Variants in ZNF704 observed in about 807,000 individuals in gnomAD.
ZNF704 encodes the protein glucocorticoid induced gene 1.
In ZNF704, 10 loss-of-function variants were observed where a neutral mutation model predicts 44.7. That is an observed-to-expected ratio of 0.22 (90% CI 0.14 to 0.38). The LOEUF (loss-of-function observed/expected upper bound fraction) is 0.38. Ranked by LOEUF, ZNF704 falls within the 10% of genes least tolerant of loss-of-function variation. The pLI, the probability that ZNF704 is intolerant of heterozygous loss-of-function variation, is 1.00. For synonymous variants in ZNF704, 211 were observed against 207.6 expected (o/e 1.02, Z -0.14); for missense variants, 390 against 545.5 (o/e 0.71, Z 2.84).
chr8:80,688,958 C>CA (rs57878370), intron 3 of ZNF704, among the ~76,000 whole-genome samples: 1,444 of 70,368 alleles, frequency 0.021, 24 homozygotes, highest in Non-Finnish European at 0.034. Context: ...GACTCTGTCT[C>CA]AAAAAAAAAA....
chr8:80,693,540 C>T (rs576715919), intron 2 of ZNF704, among the ~76,000 whole-genome samples: 4 of 152,314 alleles, frequency 2.6e-5, no homozygotes, highest in Admixed American at 6.5e-5. Context: ...AACAGGCTAA[C>T]GTGACAGTGC....
At position 80,684,215 on chromosome 8, in the gene ZNF704, C is replaced by G. The variant is rs1047972445; in HGVS notation, c.558+3011G>C. Among the ~76,000 whole-genome samples, 8 of 152,292 alleles carry G rather than the reference C, an allele frequency of 5.3e-5. No homozygotes were observed. The South Asian group carries it at 6.2e-4, about 12-fold the overall frequency. On this transcript the variant is annotated intron_variant, in intron 4 of 8. Transcript: ENST00000327835. ...CCAATCAGGACATCTTAATTTACCACAAATTGTATTATCTCTTTATAACAA... is the reference window on the plus strand; with the variant it reads ...CCAATCAGGACATCTTAATTTACCAGAAATTGTATTATCTCTTTATAACAA...
chr8:80,765,594 A>G (rs1176385493), intron 2 of ZNF704, among the ~76,000 whole-genome samples: 3 of 152,046 alleles, frequency 2.0e-5, no homozygotes, highest in African/African-American at 7.2e-5. Context: ...AACTCACACT[A>G]TTTTATTCCC....
intron 6 of ZNF704, 27 bp downstream of exon 6, chr8:80,664,788 T>C (rs1196451917): frequency 3.1e-6 from 5 of 1,612,272 alleles, no homozygotes; most frequent in Non-Finnish European, 4.2e-6. Context: ...GTCAAAGTGA[T>C]TGCTCTCACA....
intron 2 of ZNF704, among the ~76,000 whole-genome samples, chr8:80,725,920 TA>T (rs1756212699): frequency 6.6e-6 from 1 of 152,148 alleles, no homozygotes; most frequent in African/African-American, 2.4e-5. Context: ...GAACATTAAA[TA>T]TTTTTCTAAA....
intron 2 of ZNF704, among the ~76,000 whole-genome samples, chr8:80,755,230 G>A (rs1807014947): frequency 6.6e-6 from 1 of 152,182 alleles, no homozygotes; most frequent in African/African-American, 2.4e-5. Flanking sequence ...ACTTTGGGAG[G>A]CCAAGACGGG....
chr8:80,695,367 G>T (rs1265248126), intron 2 of ZNF704, among the ~76,000 whole-genome samples: 2 of 152,224 alleles, frequency 1.3e-5, no homozygotes, highest in Non-Finnish European at 2.9e-5. Context: ...TAGGAGGGCT[G>T]TTGACTTCTC....
At chr8:80,797,670 G>A (rs1227272368) in intron 2 of ZNF704, among the ~76,000 whole-genome samples, 1 of 152,142 alleles carries the variant, frequency 6.6e-6, no homozygotes, top group Non-Finnish European at 1.5e-5. Flanking sequence ...TCCTGGATTT[G>A]TCTGGCAAAA....
At chr8:80,778,881 G>T (rs929505315) in intron 2 of ZNF704, among the ~76,000 whole-genome samples, 1 of 152,034 alleles carries the variant, frequency 6.6e-6, no homozygotes, top group African/African-American at 2.4e-5. Context: ...AGGAGGGAGA[G>T]GAGCAGAAAA....
chr8:80,703,610 G>C (rs1368442162), intron 2 of ZNF704, among the ~76,000 whole-genome samples: 2 of 152,124 alleles, frequency 1.3e-5, no homozygotes, highest in East Asian at 3.9e-4. Flanking sequence ...GAGTGGTTGG[G>C]ACTACAGGCA....
chr8:80,733,837 T>C (rs988182937), intron 2 of ZNF704, among the ~76,000 whole-genome samples: 1 of 152,216 alleles, frequency 6.6e-6, no homozygotes, highest in African/African-American at 2.4e-5. Flanking sequence ...TTTTAGTATA[T>C]TTTGTCCAGC....
chr8:80,753,900 T>C (rs1052077656), intron 2 of ZNF704, among the ~76,000 whole-genome samples: 3 of 152,156 alleles, frequency 2.0e-5, no homozygotes, highest in African/African-American at 7.2e-5. Context: ...AGATGCTCTC[T>C]AGCATTTGCT....
At chr8:80,719,009 G>T (rs1819120133) in intron 2 of ZNF704, among the ~76,000 whole-genome samples, 1 of 151,870 alleles carries the variant, frequency 6.6e-6, no homozygotes, top group Non-Finnish European at 1.5e-5. Flanking sequence ...CTGTTGTCCA[G>T]GCTGGAGTGC....
chr8:80,670,452 C>A, intron 5 of ZNF704, 51 bp downstream of exon 5: 1 of 1,357,756 alleles, frequency 7.4e-7, no homozygotes, highest in Non-Finnish European at 1.1e-6. Context: ...GTGCGGGTGG[C>A]CCTAGACTGA....
intron 1 of ZNF704, among the ~76,000 whole-genome samples, chr8:80,863,346 T>C (rs1044988543): frequency 6.6e-6 from 1 of 152,230 alleles, no homozygotes; most frequent in Non-Finnish European, 1.5e-5. Context: ...CTATGAAAAC[T>C]GTATTTCACA....
chr8:80,663,860 G>A (rs1818141763), intron 6 of ZNF704, among the ~76,000 whole-genome samples: 1 of 151,850 alleles, frequency 6.6e-6, no homozygotes, highest in African/African-American at 2.4e-5. Context: ...CTCCCAAGTA[G>A]CTGGGACTAC....
At chr8:80,799,667 A>G (rs1299090948) in intron 2 of ZNF704, among the ~76,000 whole-genome samples, 1 of 152,210 alleles carries the variant, frequency 6.6e-6, no homozygotes, top group African/African-American at 2.4e-5. Flanking sequence ...AAGGTCAGCA[A>G]CCTCAAAGAT....
In ZNF704 at chr8:80,861,155, G is replaced by C. The variant is rs1809055042; in HGVS notation, c.-22+13416C>G. ...CTGCTAGAAACCAAAGCTTTATCTT[G>C]AGTTTACAAAAAGAAAGAGTGAGGA... On this transcript the variant is annotated intron_variant, in intron 1 of 8. Transcript: ENST00000327835. 2.0e-5 allele frequency among the ~76,000 whole-genome samples: 3 copies of C among 152,170 alleles called. No individual in the cohort carries two copies. In the South Asian group the frequency reaches 6.2e-4, roughly 31 times the overall value.
intron 2 of ZNF704, among the ~76,000 whole-genome samples, chr8:80,757,752 T>G (rs1021746107): frequency 1.3e-5 from 2 of 152,146 alleles, no homozygotes; most frequent in African/African-American, 4.8e-5. Flanking sequence ...TTAGATAGAT[T>G]TAAATACACA....
Sources: allele counts gnomAD v4.1 joint callset (sites outside exome capture counted in the v4.1 genomes callset), GRCh38; gene constraint gnomAD v4.1.1; transcripts MANE v1.5; gene names NCBI Gene and HGNC (gene_info 2026-07-23, HGNC 2026-07-21).